Variants in EIF5B observed in about 807,000 individuals in gnomAD.
The protein encoded by EIF5B is eukaryotic translation initiation factor 5B.
EIF5B carries 47 observed loss-of-function variants against 147.5 expected under a neutral mutation model. That is an observed-to-expected ratio of 0.32 (90% CI 0.25 to 0.41). The LOEUF (loss-of-function observed/expected upper bound fraction) is 0.41. EIF5B is among the 10% of genes least tolerant of loss of function. The pLI is 1.00. For synonymous variants in EIF5B, 455 were observed against 456.2 expected (o/e 1.00, Z 0.03); for missense variants, 1,064 against 1,413.2 (o/e 0.75, Z 3.96).
intron 1 of EIF5B, among the ~76,000 whole-genome samples, chr2:99,351,189 A>G (rs115809951): frequency 0.011 from 1,668 of 152,368 alleles, 8 homozygotes; most frequent in Middle Eastern, 0.024. Context: ...TCATATAAGT[A>G]GAATGATAGA....
intron 22 of EIF5B, chr2:99,397,176 C>G (rs1013853783): frequency 3.9e-6 from 1 of 258,554 alleles, no homozygotes; most frequent in African/African-American, 2.2e-5. Context: ...GATCTCAGTG[C>G]TTCAGTTAAT....
chr2:99,380,666 A>G (rs1009166138), intron 12 of EIF5B, among the ~76,000 whole-genome samples: 30 of 152,208 alleles, frequency 2.0e-4, no homozygotes, highest in African/African-American at 7.2e-4. Context: ...GTTGAAAAAC[A>G]AACAGAGCAT....
Position 99,364,010 on chromosome 2 carries a change from A to G in EIF5B, c.1137+148A>G, listed in dbSNP as rs1014413962. On this transcript the variant is annotated intron_variant, in intron 5 of 23. Transcript: ENST00000289371. ...TTGTTCCGATACAAATAATAAGATG[A>G]AGAGGTACAGCACATCTTATCTTTA... 13 of 1,037,364 alleles carry G rather than the reference A, an allele frequency of 1.3e-5. No homozygotes were observed. In the South Asian group the frequency reaches 1.8e-4, roughly 14 times the overall value. The allele number at this position is 1,037,364 out of a possible 1,614,324, so 64.3% of individuals were successfully genotyped here.
chr2:99,360,635 CTT>C, intron 3 of EIF5B, 86 bp downstream of exon 3: 5 of 1,326,356 alleles, frequency 3.8e-6, no homozygotes, highest in Non-Finnish European at 4.2e-6. Context: ...CATTTGGAAA[CTT>C]TTGAGCAGTG....
intron 1 of EIF5B, among the ~76,000 whole-genome samples, chr2:99,348,960 C>T (rs568472175): frequency 6.6e-6 from 1 of 152,348 alleles, no homozygotes; most frequent in East Asian, 1.9e-4. Context: ...GATTATCTTT[C>T]ATGGTTCTGG....
chr2:99,341,631 A>G (rs1185726986), intron 1 of EIF5B, among the ~76,000 whole-genome samples: 1 of 152,120 alleles, frequency 6.6e-6, no homozygotes, highest in African/African-American at 2.4e-5. Flanking sequence ...ACTCCTTTAC[A>G]CTCTTAAATT....
At chr2:99,365,906 C>T (rs1470899318) in intron 6 of EIF5B, among the ~76,000 whole-genome samples, 1 of 152,086 alleles carries the variant, frequency 6.6e-6, no homozygotes, top group African/African-American at 2.4e-5. Context: ...GTTGTTTCAT[C>T]GTATGTTTGA....
intron 1 of EIF5B, among the ~76,000 whole-genome samples, chr2:99,349,676 C>T (rs1369646727): frequency 1.3e-5 from 2 of 152,064 alleles, no homozygotes; most frequent in African/African-American, 2.4e-5. Flanking sequence ...GTATTTTGTT[C>T]TTGACACATA....
chr2:99,374,478 T>C (rs1674523735), intron 9 of EIF5B, among the ~76,000 whole-genome samples: 1 of 152,154 alleles, frequency 6.6e-6, no homozygotes, highest in Non-Finnish European at 1.5e-5. Context: ...TCTTCCTATC[T>C]GAAGAACACT....
At position 99,399,527 on chromosome 2, in the gene EIF5B, TGGAA is replaced by T. The variant is rs1052397826; in HGVS notation, c.*119_*122del. ...ATTTGGACACTGATGGACTTAAGTA[TGGAA>T]GGAAGAAAAATAGGTGTATAAAATG... On this transcript the variant is annotated 3_prime_UTR_variant, in exon 24 of 24. Transcript: ENST00000289371. 1.1e-6 allele frequency: 1 copy of T among 925,194 alleles called. No individual in the cohort carries two copies. The highest frequency in any genetic ancestry group is 1.7e-5 in the African/African-American group (1 of 60,278). The allele number at this position is 925,194 out of a possible 1,614,324, so 57.3% of individuals were successfully genotyped here.
In EIF5B at chr2:99,391,001, T is replaced by C. The variant is rs529242771; in HGVS notation, c.2748+296T>C. Reference sequence around the variant, plus strand: ...CAACATGAGGGCTAGGGGCACTGACTCCCTGGCCAGTTGAAAATCCACATA... The same window carrying C: ...CAACATGAGGGCTAGGGGCACTGACCCCCTGGCCAGTTGAAAATCCACATA... On this transcript the variant is annotated intron_variant, in intron 17 of 23. Coordinates refer to ENST00000289371, the MANE Select transcript of EIF5B (RefSeq NM_015904.4). Among the ~76,000 whole-genome samples, 10 of 152,254 alleles carry C rather than the reference T, an allele frequency of 6.6e-5. No homozygotes were observed. In the South Asian group the frequency reaches 2.1e-3, roughly 32 times the overall value.
intron 10 of EIF5B, among the ~76,000 whole-genome samples, 196 bp downstream of exon 10, chr2:99,376,832 C>G (rs567000411): frequency 1.3e-5 from 2 of 152,260 alleles, no homozygotes; most frequent in East Asian, 3.9e-4. Context: ...CCGCTCTTAC[C>G]TAAGATAGAA....
At chr2:99,388,262 C>T (rs914928424) in intron 14 of EIF5B, among the ~76,000 whole-genome samples, 7 of 152,000 alleles carry the variant, frequency 4.6e-5, no homozygotes, top group Non-Finnish European at 8.8e-5. Context: ...TTCCCCTTAC[C>T]TATATGCTTT....
rs758707752 is a variant in EIF5B, at chr2:99,394,605, A to G, written c.3089+20A>G. ...CCCTCAGTAAGTAATTTCTCTTGCT[A>G]TGAAGGCTTTCATGTTACGTAGCTA... On this transcript the variant is annotated intron_variant, in intron 20 of 23. Transcript: ENST00000289371. The G allele has an allele frequency of 2.5e-6, 4 of 1,613,948 alleles. No individual in the cohort carries two copies. Among genetic ancestry groups the G allele is most frequent in the Admixed American group, 3.3e-5 (2 of 59,988 alleles).
chr2:99,384,271 C>T (rs1256808432), intron 14 of EIF5B, among the ~76,000 whole-genome samples: 6 of 151,860 alleles, frequency 4.0e-5, no homozygotes, highest in East Asian at 3.9e-4. Context: ...GATAGCACGT[C>T]TATTCATAGC....
At position 99,353,005 on chromosome 2, in the gene EIF5B, C is replaced by CTTTTT. The variant is rs529053292; in HGVS notation, c.36-7208_36-7204dup. 6.3e-3 allele frequency among the ~76,000 whole-genome samples: 394 copies of CTTTTT among 62,842 alleles called. 32 individuals are homozygous for CTTTTT. Among genetic ancestry groups the CTTTTT allele is most frequent in the African/African-American group, 0.024 (360 of 15,082 alleles). 41.2% of individuals were successfully genotyped at this position (62,842 alleles called of 152,430 possible). On this transcript the variant is annotated intron_variant, in intron 1 of 23. Coordinates refer to ENST00000289371, the MANE Select transcript of EIF5B (RefSeq NM_015904.4). ...GCCTGGCTAATTTTTTCTTCTTCTT[C>CTTTTT]TTTTTTTTTTTTTTTTTTTTTTTTT...
chr2:99,394,026 A>T (rs887065344), intron 18 of EIF5B, among the ~76,000 whole-genome samples: 1 of 152,176 alleles, frequency 6.6e-6, no homozygotes, highest in Non-Finnish European at 1.5e-5. Flanking sequence ...AGTGGAGCGG[A>T]GATTAAACAT....
intron 1 of EIF5B, among the ~76,000 whole-genome samples, chr2:99,356,781 T>C (rs1009513045): frequency 3.3e-5 from 5 of 152,190 alleles, no homozygotes; most frequent in Non-Finnish European, 5.9e-5. Flanking sequence ...TACCAGGAAT[T>C]GGTATTGTCA....
Position 99,393,017 on chromosome 2 carries a change from T to A in EIF5B, c.2799T>A (p.Ile933=), listed in dbSNP as rs764502625. 1.9e-6 allele frequency: 3 copies of A among 1,590,164 alleles called. No individual in the cohort carries two copies. Among genetic ancestry groups the A allele is most frequent in the South Asian group, 1.1e-5 (1 of 87,072 alleles). ...KEVEAAQGVK[I]LGKDLEKTLA... Reference sequence around the variant, plus strand: ...TAGAAGCAGCTCAGGGGGTAAAGATTCTTGGAAAAGACCTGGAGAAAACAT... The same window carrying A: ...TAGAAGCAGCTCAGGGGGTAAAGATACTTGGAAAAGACCTGGAGAAAACAT... Residue 933 remains isoleucine, a synonymous_variant, in exon 18 of 24, where the codon ATT becomes ATA. Coordinates refer to ENST00000289371, the MANE Select transcript of EIF5B (RefSeq NM_015904.4).
Sources: allele counts gnomAD v4.1 joint callset (sites outside exome capture counted in the v4.1 genomes callset), GRCh38; gene constraint gnomAD v4.1.1; transcripts MANE v1.5; gene names NCBI Gene and HGNC (gene_info 2026-07-23, HGNC 2026-07-21).